MGAT4C: variants seen among roughly 807,000 people sequenced by gnomAD.
MGAT4C encodes the protein MGAT4 family member C.
A neutral mutation model predicts 40.1 loss-of-function variants in MGAT4C; 19 were observed. That is an observed-to-expected ratio of 0.47 (90% CI 0.33 to 0.70). The LOEUF is 0.70. MGAT4C is among the 30% of genes least tolerant of loss of function. The pLI, the probability that MGAT4C is intolerant of heterozygous loss-of-function variation, is 0.02. For synonymous variants in MGAT4C, 181 were observed against 187.1 expected, an observed-to-expected ratio of 0.97 and a Z score of 0.27; for missense variants, 491 against 563.2, an observed-to-expected ratio of 0.87 and a Z score of 1.30.
rs556119033 is a variant in MGAT4C at position 86,533,156 on chromosome 12, CATTTTT to C, written c.-228-97897_-228-97892del. 3.2e-4 allele frequency among the ~76,000 whole-genome samples: 49 copies of C among 152,088 alleles called. 1 individual carries two copies. The highest frequency in any genetic ancestry group is 1.2e-3 in the Admixed American group (19 of 15,260). ...ACCCCAACTTTTAGCGATACAGCAA[CATTTTT>C]TATAGTAGAATAAATGTTTAACTGC... On this transcript the variant is annotated intron_variant, in intron 2 of 7. Transcript: ENST00000548651.
chr12:86,780,558 C>T (rs149249509), intron 1 of MGAT4C, among the ~76,000 whole-genome samples: 2 of 152,234 alleles, frequency 1.3e-5, no homozygotes, highest in African/African-American at 2.4e-5. Flanking sequence ...GCTCCACCAT[C>T]GTAAGATGTG....
At chr12:86,264,724 G>A (rs948121604) in intron 4 of MGAT4C, among the ~76,000 whole-genome samples, 4 of 151,234 alleles carry the variant, frequency 2.6e-5, no homozygotes, top group African/African-American at 7.4e-5. Flanking sequence ...TGCACTCTCC[G>A]GGCCCGGGAA....
chr12:85,989,662 A>G, intron 2 of MGAT4C, 110 bp from the exon 3 acceptor site: 1 of 1,040,408 alleles, frequency 9.6e-7, no homozygotes, highest in Non-Finnish European at 1.3e-6. Flanking sequence ...CAAATGTTTG[A>G]ATTAAAATTC....
At chr12:86,569,466 T>G (rs1050679144) in intron 2 of MGAT4C, among the ~76,000 whole-genome samples, 2 of 152,044 alleles carry the variant, frequency 1.3e-5, no homozygotes, top group Middle Eastern at 3.2e-3. Flanking sequence ...AATCAAAACC[T>G]TGATATGATA....
rs192997008 is a variant in MGAT4C, at chr12:86,122,711, G to A, written c.-56-72988C>T. Among the ~76,000 whole-genome samples the A allele has an allele frequency of 4.6e-5, 7 of 151,886 alleles. No individual in the cohort carries two copies. The East Asian group carries it at 1.2e-3, about 25-fold the overall frequency. On this transcript the variant is annotated intron_variant, in intron 1 of 4. Transcript: ENST00000611864. Reference sequence around the variant, plus strand: ...AGATGCTATAAAGTGCATAAAAGAGGGATCAACAAAACAATAAGCAGAAAC... The same window carrying A: ...AGATGCTATAAAGTGCATAAAAGAGAGATCAACAAAACAATAAGCAGAAAC...
chr12:86,146,919 T>C (rs575019852), intron 1 of MGAT4C, among the ~76,000 whole-genome samples: 2 of 152,136 alleles, frequency 1.3e-5, no homozygotes, highest in Non-Finnish European at 2.9e-5. Flanking sequence ...ATGTCCTACA[T>C]ATATTAAACT....
At chr12:86,644,604 T>C (rs995593275) in intron 2 of MGAT4C, among the ~76,000 whole-genome samples, 1 of 151,692 alleles carries the variant, frequency 6.6e-6, no homozygotes, top group African/African-American at 2.4e-5. Flanking sequence ...ACGAGCCAAA[T>C]GCAAAATGCC....
Position 86,530,359 on chromosome 12 carries a change from T to C in MGAT4C, c.-228-95094A>G, listed in dbSNP as rs1280108257. On this transcript the variant is annotated intron_variant, in intron 2 of 7. Transcript: ENST00000548651. ...ATATTTCATCTATCCCCTAGGAAGA[T>C]AGCCTCTGAATCTTATTTCTATCCC... 3.3e-5 allele frequency among the ~76,000 whole-genome samples: 5 copies of C among 152,002 alleles called. No homozygotes were observed. The South Asian group carries it at 6.2e-4, about 19-fold the overall frequency.
intron 3 of MGAT4C, among the ~76,000 whole-genome samples, chr12:86,363,612 T>C (rs1278052217): frequency 1.3e-5 from 2 of 152,020 alleles, no homozygotes; most frequent in African/African-American, 4.8e-5. Flanking sequence ...TAATAAAGAT[T>C]AGGCTTTAAA....
chr12:86,307,777 G>A (rs1003796505), intron 4 of MGAT4C, among the ~76,000 whole-genome samples: 11 of 149,634 alleles, frequency 7.4e-5, no homozygotes, highest in Admixed American at 2.0e-4. Flanking sequence ...ATCTCGGCTC[G>A]CTGCAAGCTC....
chr12:86,107,941 A>C (rs1050567682), intron 1 of MGAT4C, among the ~76,000 whole-genome samples: 4 of 152,130 alleles, frequency 2.6e-5, no homozygotes, highest in Non-Finnish European at 5.9e-5. Flanking sequence ...AAATAAATTT[A>C]TTATAGGGCA....
intron 4 of MGAT4C, among the ~76,000 whole-genome samples, chr12:86,307,987 G>A (rs1466822942): frequency 6.6e-6 from 1 of 150,648 alleles, no homozygotes; most frequent in Non-Finnish European, 1.5e-5. Context: ...ACAGGCGTGA[G>A]CCACCGCGCC....
intron 1 of MGAT4C, among the ~76,000 whole-genome samples, chr12:86,079,084 T>C (rs1249741676): frequency 6.6e-6 from 1 of 152,180 alleles, no homozygotes; most frequent in Non-Finnish European, 1.5e-5. Flanking sequence ...AAATATGGTG[T>C]AAGATGAAAA....
At chr12:86,387,003 G>A (rs983825353) in intron 3 of MGAT4C, among the ~76,000 whole-genome samples, 2 of 152,048 alleles carry the variant, frequency 1.3e-5, no homozygotes, top group African/African-American at 4.8e-5. Flanking sequence ...TGCATAGTTG[G>A]AATTTGCCAT....
chr12:86,770,423 T>G (rs1392637306), intron 1 of MGAT4C, among the ~76,000 whole-genome samples: 2 of 152,116 alleles, frequency 1.3e-5, no homozygotes, highest in Non-Finnish European at 2.9e-5. Context: ...TGTTTGCATT[T>G]TGTTAAATAA....
At chr12:86,588,095 C>T (rs7485593) in intron 2 of MGAT4C, among the ~76,000 whole-genome samples, 128,901 of 151,474 alleles carry the variant, frequency 0.85, 55,387 homozygotes, top group South Asian at 0.96. Flanking sequence ...CTGTCATAGA[C>T]AGCTCTTACT....
At chr12:86,393,106 T>A (rs1310756593) in intron 3 of MGAT4C, among the ~76,000 whole-genome samples, 1 of 152,164 alleles carries the variant, frequency 6.6e-6, no homozygotes, top group Non-Finnish European at 1.5e-5. Flanking sequence ...TTTGAAAAAT[T>A]ACTCTAAAAA....
chr12:86,312,061 GGTTTT>G lies in MGAT4C; in HGVS notation c.-57+21999_-57+22003del, dbSNP rs902874908. 1.3e-4 allele frequency among the ~76,000 whole-genome samples: 20 copies of G among 152,158 alleles called. No individual in the cohort carries two copies. In the East Asian group the frequency reaches 3.3e-3, roughly 25 times the overall value. The stretch of plus-strand genomic sequence containing the variant: ...GACCACAGAAGAAAAAAAAAAGGTG[GGTTTT>G]GTTTTGTTTTGTTGTTTCGCTTTTT... On this transcript the variant is annotated intron_variant, in intron 4 of 7. Transcript: ENST00000548651.
chr12:86,250,566 G>T (rs899930072), intron 1 of MGAT4C, among the ~76,000 whole-genome samples: 1 of 152,032 alleles, frequency 6.6e-6, no homozygotes, highest in Admixed American at 6.6e-5. Flanking sequence ...ATAACTCCAG[G>T]TTTGAAACTC....
Sources: allele counts gnomAD v4.1 joint callset (sites outside exome capture counted in the v4.1 genomes callset), GRCh38; gene constraint gnomAD v4.1.1; transcripts MANE v1.5; gene names NCBI Gene and HGNC (gene_info 2026-07-23, HGNC 2026-07-21).